The following KCNMA1 variants were observed in gnomAD, a reference collection of about 807,000 sequenced individuals.
The protein encoded by KCNMA1 is potassium calcium-activated channel subfamily M alpha 1, also known as Calcium-activated potassium channel subunit alpha-1.
A neutral mutation model predicts 140.0 loss-of-function variants in KCNMA1; 29 were observed. That is an observed-to-expected ratio of 0.21 (90% CI 0.15 to 0.28). The LOEUF (loss-of-function observed/expected upper bound fraction) is 0.28, where lower values mean the gene tolerates loss of function less well. Ranked by LOEUF, KCNMA1 falls within the 10% of genes least tolerant of loss-of-function variation. KCNMA1 has a pLI of 1.00. For missense variants in KCNMA1, 880 were observed against 1,602.2 expected (o/e 0.55, Z 7.70); for synonymous variants, 612 against 611.9 (o/e 1.00, Z 0.00).
intron 3 of KCNMA1, among the ~76,000 whole-genome samples, chr10:77,196,515 C>T (rs1019923574): frequency 1.3e-5 from 2 of 152,000 alleles, no homozygotes; most frequent in Non-Finnish European, 2.9e-5. Flanking sequence ...TTACTGGTTA[C>T]CAAAAGAACA....
chr10:77,463,728 G>C (rs1287678965), intron 1 of KCNMA1, among the ~76,000 whole-genome samples: 1 of 152,164 alleles, frequency 6.6e-6, no homozygotes, highest in Non-Finnish European at 1.5e-5. Flanking sequence ...TTACTTAAAG[G>C]CTGAGCAAGA....
intron 2 of KCNMA1, among the ~76,000 whole-genome samples, chr10:77,308,834 C>A (rs2078511075): frequency 6.6e-6 from 1 of 152,172 alleles, no homozygotes; most frequent in South Asian, 2.1e-4. Flanking sequence ...TCTTTGAGAT[C>A]CTCATGAGAA....
chr10:77,048,676 T>A (rs1235619864), intron 14 of KCNMA1, among the ~76,000 whole-genome samples: 1 of 152,234 alleles, frequency 6.6e-6, no homozygotes, highest in Non-Finnish European at 1.5e-5. Flanking sequence ...TTGTTTTATT[T>A]AATTTTATTA....
At chr10:77,091,328 T>G (rs1252793041) in intron 9 of KCNMA1, 1 of 152,310 alleles carries the variant, frequency 6.6e-6, no homozygotes, top group Non-Finnish European at 1.5e-5. Context: ...GACTTCTGTT[T>G]CTGGAAGTAG....
intron 1 of KCNMA1, among the ~76,000 whole-genome samples, chr10:77,632,998 T>G (rs184448185): frequency 6.6e-6 from 1 of 152,314 alleles, no homozygotes; most frequent in Admixed American, 6.5e-5. Context: ...TTGCAGAGTC[T>G]TGTACTAAAG....
At chr10:77,356,449 T>C (rs142079545) in intron 2 of KCNMA1, among the ~76,000 whole-genome samples, 315 of 152,246 alleles carry the variant, frequency 2.1e-3, no homozygotes, top group African/African-American at 7.2e-3. Flanking sequence ...AACTCTACAG[T>C]TGGAAAAGTG....
intron 10 of KCNMA1, among the ~76,000 whole-genome samples, chr10:77,089,597 G>A (rs956016561): frequency 3.9e-5 from 6 of 152,086 alleles, no homozygotes; most frequent in African/African-American, 1.4e-4. Context: ...CCTCCTAAGT[G>A]GATTATACAA....
At chr10:76,897,521 A>T (rs1281327180) in intron 25 of KCNMA1, among the ~76,000 whole-genome samples, 1 of 152,118 alleles carries the variant, frequency 6.6e-6, no homozygotes, top group Non-Finnish European at 1.5e-5. Flanking sequence ...ATTGCCAATA[A>T]TTTGTGAAGG....
At chr10:77,509,713 T>C (rs1255519678) in intron 1 of KCNMA1, among the ~76,000 whole-genome samples, 2 of 152,234 alleles carry the variant, frequency 1.3e-5, no homozygotes, top group African/African-American at 4.8e-5. Flanking sequence ...TTTATGCTTT[T>C]ATGTATTTTC....
chr10:77,289,581 C>T (rs557900065), intron 2 of KCNMA1, among the ~76,000 whole-genome samples: 1 of 152,272 alleles, frequency 6.6e-6, no homozygotes, highest in South Asian at 2.1e-4. Flanking sequence ...AACAAAATGA[C>T]ACAGATGACC....
At chr10:77,294,814 G>A (rs1312447069) in intron 2 of KCNMA1, among the ~76,000 whole-genome samples, 1 of 151,994 alleles carries the variant, frequency 6.6e-6, no homozygotes, top group African/African-American at 2.4e-5. Context: ...CTCTACTTGG[G>A]AGGCTGAAGC....
intron 2 of KCNMA1, among the ~76,000 whole-genome samples, chr10:77,382,994 G>GTGTGTATATATATATA (rs1491457588): frequency 2.2e-5 from 1 of 46,426 alleles, no homozygotes. Context: ...GTGTGTGTGT[G>GTGTGTATATATATATA]TATATATATA....
intron 1 of KCNMA1, among the ~76,000 whole-genome samples, chr10:77,449,642 TA>T (rs2097590666): frequency 7.5e-6 from 1 of 133,486 alleles, no homozygotes. Context: ...TTTTAATTTT[TA>T]ATTTTTTTTT....
At chr10:77,468,287 C>G (rs930048574) in intron 1 of KCNMA1, among the ~76,000 whole-genome samples, 1 of 152,190 alleles carries the variant, frequency 6.6e-6, no homozygotes, top group Non-Finnish European at 1.5e-5. Flanking sequence ...GTCAGAATGC[C>G]TGCCATCTTC....
At chr10:77,199,813 G>A (rs974226602) in intron 3 of KCNMA1, among the ~76,000 whole-genome samples, 19 of 152,178 alleles carry the variant, frequency 1.2e-4, no homozygotes, top group Non-Finnish European at 2.5e-4. Flanking sequence ...ACCTCGTATA[G>A]AGCCTAAGTA....
intron 1 of KCNMA1, among the ~76,000 whole-genome samples, chr10:77,543,017 TTCTCTCTCTCTCATTCTCTCTCTCTTTC>T (rs1002948608): frequency 4.0e-5 from 1 of 25,196 alleles, no homozygotes; most frequent in Non-Finnish European, 6.3e-5. Context: ...CTCTCTCTCT[TTCTCTCTCTCTCATTCTCTCTCTCTTTC>T]TCTCTCTCTC....
intron 1 of KCNMA1, among the ~76,000 whole-genome samples, chr10:77,413,477 G>A (rs1331065920): frequency 6.6e-6 from 1 of 152,156 alleles, no homozygotes; most frequent in East Asian, 1.9e-4. Context: ...TAGGGTATTA[G>A]GCAGATTACC....
At chr10:77,512,282 G>GTCCC (rs1436792067) in intron 1 of KCNMA1, among the ~76,000 whole-genome samples, 1 of 152,118 alleles carries the variant, frequency 6.6e-6, no homozygotes, top group East Asian at 1.9e-4. Flanking sequence ...GGACTCCACA[G>GTCCC]TCCCCCCTTA....
chr10:77,507,965 T>C (rs1219683198), intron 1 of KCNMA1, among the ~76,000 whole-genome samples: 1 of 152,174 alleles, frequency 6.6e-6, no homozygotes, highest in Non-Finnish European at 1.5e-5. Context: ...TGAAAATAAC[T>C]CAGAGGACCA....
Sources: gnomAD v4.1 joint callset for allele counts (sites outside exome capture counted in the v4.1 genomes callset) on GRCh38, gnomAD v4.1.1 for gene constraint, MANE v1.5 for transcripts, NCBI Gene and HGNC (gene_info 2026-07-23, HGNC 2026-07-21) for gene names.